IQSEC2: variants seen among roughly 807,000 people sequenced by gnomAD.
The protein encoded by IQSEC2 is IQ motif and SEC7 domain-containing protein 2.
IQSEC2 carries 6 observed loss-of-function variants against 74.6 expected under a neutral mutation model. The ratio of observed to expected loss-of-function variants is 0.08; its 90% CI spans 0.04 to 0.16. The LOEUF (loss-of-function observed/expected upper bound fraction) is 0.16, where lower values mean the gene tolerates loss of function less well. Among genes scored for constraint, IQSEC2 ranks in the 10% least tolerant of loss-of-function variants. The probability of loss-of-function intolerance (pLI) is 1.00; values close to 1 mark genes in which losing one functional copy is unlikely to be tolerated. For missense variants in IQSEC2, 734 were observed against 1,306.2 expected, an observed-to-expected ratio of 0.56 and a Z score of 6.75; for synonymous variants, 494 against 544.5, an observed-to-expected ratio of 0.91 and a Z score of 1.29.
chrX:53,246,299 C>G (rs892820417), intron 8 of IQSEC2, among the ~76,000 whole-genome samples: 1 of 112,330 alleles, frequency 8.9e-6, no homozygotes, highest in East Asian at 2.8e-4. Context: ...AAAATACTAC[C>G]TCCTCCAGGA....
chrX:53,310,859 A>C, intron 1 of IQSEC2, among the ~76,000 whole-genome samples: 1 of 109,706 alleles, frequency 9.1e-6, no homozygotes, highest in East Asian at 2.9e-4. Context: ...AGTGGCTCAC[A>C]CCTGTAATCC....
At chrX:53,264,911 C>G (rs1303429541) in intron 2 of IQSEC2, among the ~76,000 whole-genome samples, 3 of 89,272 alleles carry the variant, frequency 3.4e-5, no homozygotes, top group African/African-American at 1.2e-4. Context: ...GAGGACACAG[C>G]CACTGTCATG....
Position 53,243,405 on chromosome X carries a change from C to T in IQSEC2, c.2816G>A (p.Arg939His), listed in dbSNP as rs782727618. 30 of 1,167,322 alleles carry T rather than the reference C, an allele frequency of 2.6e-5. No homozygotes were observed. In the Admixed American group the frequency reaches 6.2e-4, roughly 24 times the overall value. ...ATGGTCATCGTTGGTCCGCAGTTCA[C>T]GCCCCTGGATGCGCTGGTAGATGCC... Reference protein sequence around the residue: ...LVGIYQRIQGRELRTNDDHVS... With the variant: ...LVGIYQRIQGHELRTNDDHVS... Residue 939 changes from arginine (R) to histidine (H), a missense_variant, in exon 9 of 15, where the codon CGT becomes CAT. By Grantham distance (29) the Arg-to-His change is conservative (BLOSUM62 0). Around this residue, in one of 12 missense-constraint regions of IQSEC2, gnomAD observed 249 missense variants for 467.9 expected, o/e 0.53. Coordinates refer to ENST00000642864, the MANE Select transcript of IQSEC2 (RefSeq NM_001111125.3).
Position 53,308,428 on chromosome X carries a change from G to A in IQSEC2, c.707+11989C>T, listed in dbSNP as rs782164933. ...AAGGTTGTGTAACTGTGAGTAATGAGGTATAATTACAGTACACTATTTGGC... is the reference window on the plus strand; with the variant it reads ...AAGGTTGTGTAACTGTGAGTAATGAAGTATAATTACAGTACACTATTTGGC... On this transcript the variant is annotated intron_variant, in intron 1 of 14. Coordinates refer to ENST00000642864, the MANE Select transcript of IQSEC2 (RefSeq NM_001111125.3). Among the ~76,000 whole-genome samples, 30 of 110,758 alleles carry A rather than the reference G, an allele frequency of 2.7e-4. No homozygotes were observed. The South Asian group carries it at 0.011, about 42-fold the overall frequency.
chrX:53,279,927 G>A (rs868906663), intron 2 of IQSEC2, among the ~76,000 whole-genome samples: 1 of 53,300 alleles, frequency 1.9e-5, no homozygotes, highest in African/African-American at 8.5e-5. Flanking sequence ...GGGAGGGAGG[G>A]AGGGAGGAAG....
In IQSEC2 at chrX:53,234,268, G is replaced by A. The variant is rs1556858927; in HGVS notation, c.4418C>T (p.Pro1473Leu). ...TGGCTTGGCCTTGGGGTTTGCACTG[G>A]GGGGGTTGGCTGTGCCAGGGGGCCC... ...ASGPPGTANPPSANPKAKPSR... is the reference protein window; with the variant it reads ...ASGPPGTANPLSANPKAKPSR... The change falls in exon 15 of 15, where the codon CCC becomes CTC. Residue 1473 changes from proline to leucine, a missense_variant. Physicochemically the swap from Pro to Leu is moderately conservative, Grantham distance 98. Coordinates refer to ENST00000642864, the MANE Select transcript of IQSEC2 (RefSeq NM_001111125.3). 3.7e-6 allele frequency: 4 copies of A among 1,080,464 alleles called. No individual in the cohort carries two copies. Among genetic ancestry groups the A allele is most frequent in the Non-Finnish European group, 4.8e-6 (4 of 826,424 alleles). The allele number at this position is 1,080,464 out of a possible 1,213,427, so 89.0% of individuals were successfully genotyped here.
At chrX:53,266,815 G>T (rs782080725) in intron 2 of IQSEC2, 6 of 1,060,908 alleles carry the variant, frequency 5.7e-6, no homozygotes, top group African/African-American at 4.0e-5. Context: ...AGAAGAAGGT[G>T]GGGGGAGGAA....
chrX:53,300,769 G>A (rs781843134), intron 1 of IQSEC2, among the ~76,000 whole-genome samples: 4 of 111,581 alleles, frequency 3.6e-5, no homozygotes, highest in South Asian at 3.8e-4. Flanking sequence ...GAAGCCTATC[G>A]CAGCATGATT....
At chrX:53,275,724 C>A (rs1458384905) in intron 2 of IQSEC2, among the ~76,000 whole-genome samples, 2 of 96,272 alleles carry the variant, frequency 2.1e-5, no homozygotes, top group African/African-American at 8.1e-5. Flanking sequence ...AAGTTGCCCT[C>A]ATTCTTTTTT....
At chrX:53,283,496 C>G (rs1169724323) in intron 2 of IQSEC2, among the ~76,000 whole-genome samples, 1 of 112,113 alleles carries the variant, frequency 8.9e-6, no homozygotes, top group Non-Finnish European at 1.9e-5. Flanking sequence ...TCAGCCTGAA[C>G]CTGAGAGAGT....
Position 53,250,517 on chromosome X carries a change from C to A in IQSEC2, c.2059G>T (p.Ala687Ser), listed in dbSNP as rs2074368736. The A allele has an allele frequency of 8.3e-7, 1 of 1,210,400 alleles. No individual in the cohort carries two copies. Among genetic ancestry groups the A allele is most frequent in the Admixed American group, 2.2e-5 (1 of 45,930 alleles). Residue 687 changes from alanine to serine, a missense_variant, in exon 5 of 15, where the codon GCA becomes TCA. Ala to Ser is a moderately conservative substitution (Grantham distance 99). Around this residue, in one of 12 missense-constraint regions of IQSEC2, gnomAD observed 204 missense variants for 305.4 expected, o/e 0.67. Transcript: ENST00000642864. Reference protein sequence around the residue: ...GGRRLGKCEAAGENSDGGDNE... With the variant: ...GGRRLGKCEASGENSDGGDNE... ...TCTCCACCATCAGAGTTCTCGCCTG[C>A]TGCCTCGCACTTCCCCAACCTCCGA...
chrX:53,253,811 A>C (rs1248657529), intron 4 of IQSEC2, among the ~76,000 whole-genome samples: 2 of 111,366 alleles, frequency 1.8e-5, no homozygotes, highest in Admixed American at 9.5e-5. Flanking sequence ...CTCCTCCTCT[A>C]TTAAATGGGA....
intron 8 of IQSEC2, among the ~76,000 whole-genome samples, chrX:53,246,667 C>CTGAA (rs1176610341): frequency 3.6e-5 from 4 of 112,142 alleles, no homozygotes; most frequent in Non-Finnish European, 5.6e-5. Context: ...AAGTGAATTA[C>CTGAA]TGAATGAATG....
intron 1 of IQSEC2, among the ~76,000 whole-genome samples, chrX:53,310,607 C>T (rs782708549): frequency 2.2e-4 from 24 of 110,335 alleles, no homozygotes; most frequent in African/African-American, 7.9e-4. Context: ...CAAAGACACC[C>T]GGGGTAGAGC....
At chrX:53,254,989 T>TA in intron 3 of IQSEC2, 58 bp from the exon 4 acceptor site, 1 of 1,114,222 alleles carries the variant, frequency 9.0e-7, no homozygotes, top group Non-Finnish European at 1.2e-6. Flanking sequence ...CTCATCTCCC[T>TA]AGGCACTCAA....
chrX:53,251,269 A>ACCCCC, intron 4 of IQSEC2, 95 bp from the exon 5 acceptor site: 1 of 904,320 alleles, frequency 1.1e-6, no homozygotes, highest in Non-Finnish European at 1.6e-6. Context: ...GAGGGAGGTA[A>ACCCCC]GGAAAAAGGG....
rs782789756 is a variant in IQSEC2, at chrX:53,304,416, T to C, written c.708-12492A>G. Among the ~76,000 whole-genome samples the C allele has an allele frequency of 1.8e-4, 20 of 111,971 alleles. No individual in the cohort carries two copies. The East Asian group carries it at 5.6e-3, about 31-fold the overall frequency. Reference sequence around the variant, plus strand: ...AAAATGAAGGCCATGATGGTTTCAGTTGCTGGCTATCCTTTTGCTGGTGAT... The same window carrying C: ...AAAATGAAGGCCATGATGGTTTCAGCTGCTGGCTATCCTTTTGCTGGTGAT... On this transcript the variant is annotated intron_variant, in intron 1 of 14. Transcript: ENST00000642864.
chrX:53,243,218 A>C (rs1213709973), intron 9 of IQSEC2, 114 bp downstream of exon 9: 1 of 578,297 alleles, frequency 1.7e-6, no homozygotes, highest in African/African-American at 2.3e-5. Flanking sequence ...ATTATCACCC[A>C]CTCTGTATTG....
chrX:53,262,894 T>G (rs2147162644), intron 2 of IQSEC2, among the ~76,000 whole-genome samples: 1 of 112,847 alleles, frequency 8.9e-6, no homozygotes, highest in Admixed American at 9.3e-5. Context: ...ACTGCAAGGT[T>G]TGGGTTGTTC....
Sources: gnomAD v4.1 joint callset for allele counts (sites outside exome capture counted in the v4.1 genomes callset) on GRCh38, gnomAD v4.1.1 for gene constraint, gnomAD v4.1.1 regional missense constraint, MANE v1.5 for transcripts, NCBI Gene and HGNC (gene_info 2026-07-23, HGNC 2026-07-21) for gene names.